Variants in SAMD4A observed in about 807,000 individuals in gnomAD.
SAMD4A encodes the protein protein Smaug homolog 1.
A neutral mutation model predicts 81.3 loss-of-function variants in SAMD4A; 33 were observed. That is an observed-to-expected ratio of 0.41 (90% CI 0.31 to 0.54). The LOEUF (loss-of-function observed/expected upper bound fraction) is 0.54, where lower values mean the gene tolerates loss of function less well. SAMD4A is among the 20% of genes least tolerant of loss of function. The probability of loss-of-function intolerance (pLI) is 0.37; values close to 1 mark genes in which losing one functional copy is unlikely to be tolerated. For missense variants in SAMD4A, 854 were observed against 951.1 expected, an observed-to-expected ratio of 0.90 and a Z score of 1.34; for synonymous variants, 389 against 382.1, an observed-to-expected ratio of 1.02 and a Z score of -0.21.
At chr14:54,609,720 C>T (rs946202140) in intron 2 of SAMD4A, among the ~76,000 whole-genome samples, 1 of 152,196 alleles carries the variant, frequency 6.6e-6, no homozygotes, top group Non-Finnish European at 1.5e-5. Flanking sequence ...TTTTCTCTGC[C>T]ACACAATTTC....
In SAMD4A at chr14:54,577,649, C is replaced by G. The variant is rs368887875; in HGVS notation, c.196+9537C>G. Among the ~76,000 whole-genome samples the G allele has an allele frequency of 9.2e-5, 14 of 152,340 alleles. No homozygotes were observed. In the East Asian group the frequency reaches 2.5e-3, roughly 27 times the overall value. On this transcript the variant is annotated intron_variant, in intron 2 of 12. Transcript: ENST00000554335. ...TGGTTGCGCCCAAAGCCACTAAACT[C>G]TGTAATACAGTCATTGTACTCAGAA...
At chr14:54,744,467 G>A (rs933769211) in intron 4 of SAMD4A, among the ~76,000 whole-genome samples, 8 of 152,142 alleles carry the variant, frequency 5.3e-5, no homozygotes, top group African/African-American at 1.9e-4. Flanking sequence ...ATTTAAAACT[G>A]AATCCCACTG....
intron 2 of SAMD4A, among the ~76,000 whole-genome samples, chr14:54,569,355 C>G (rs113934082): frequency 2.0e-4 from 30 of 152,288 alleles, no homozygotes; most frequent in African/African-American, 7.0e-4. Context: ...TGGGATGCTT[C>G]CATATATAGA....
At chr14:54,565,979 C>G (rs949135445), upstream of SAMD4A, among the ~76,000 whole-genome samples, 12 of 151,830 alleles carry the variant, frequency 7.9e-5, no homozygotes, top group African/African-American at 7.3e-5. This position sits in a 1 kb window ranked among gnomAD's most constrained non-coding sequence, Gnocchi z 5.4. Flanking sequence ...GTTCCTCCCC[C>G]CGGCTCCCCC....
At chr14:54,782,105 G>A (rs935850151) in intron 11 of SAMD4A, among the ~76,000 whole-genome samples, 11 of 152,272 alleles carry the variant, frequency 7.2e-5, no homozygotes, top group East Asian at 1.9e-4. Flanking sequence ...ATTCTGGAGC[G>A]GAGAGCCCTG....
At chr14:54,759,285 CCAGGCTCAGGCCTAGGT>C (rs1431152302) in intron 6 of SAMD4A, among the ~76,000 whole-genome samples, 1 of 152,220 alleles carries the variant, frequency 6.6e-6, no homozygotes, top group Admixed American at 6.5e-5. Flanking sequence ...CCCAAGGCCT[CCAGGCTCAGGCCTAGGT>C]GTCTGACGGG....
intron 2 of SAMD4A, among the ~76,000 whole-genome samples, chr14:54,627,120 C>T (rs1014057099): frequency 1.3e-5 from 2 of 152,192 alleles, no homozygotes; most frequent in African/African-American, 4.8e-5. Flanking sequence ...TAACTCATTA[C>T]CTTTTTACAT....
chr14:54,569,874 C>T (rs1348021656), intron 2 of SAMD4A, among the ~76,000 whole-genome samples: 1 of 152,038 alleles, frequency 6.6e-6, no homozygotes, highest in Non-Finnish European at 1.5e-5. Flanking sequence ...ATGACTTTTC[C>T]CAATAGAGCA....
At chr14:54,770,720 C>CTTGA (rs1247039189) in intron 9 of SAMD4A, among the ~76,000 whole-genome samples, 2 of 152,186 alleles carry the variant, frequency 1.3e-5, no homozygotes, top group Non-Finnish European at 2.9e-5. Context: ...CAGTACAATT[C>CTTGA]TTGATTTTTC....
chr14:54,593,090 A>C (rs1025128086), intron 2 of SAMD4A, among the ~76,000 whole-genome samples: 2 of 152,230 alleles, frequency 1.3e-5, no homozygotes, highest in African/African-American at 4.8e-5. Flanking sequence ...AGCTTCAGTA[A>C]TTATCAGCAT....
In SAMD4A at chr14:54,789,061, T is replaced by A; in HGVS notation, c.*117T>A. 8.7e-7 allele frequency: 1 copy of A among 1,150,588 alleles called. No homozygotes were observed. Among genetic ancestry groups the A allele is most frequent in the East Asian group, 2.4e-5 (1 of 41,972 alleles). The allele number at this position is 1,150,588 out of a possible 1,614,324, so 71.3% of individuals were successfully genotyped here. A position where few individuals can be genotyped will look rare whatever the true frequency, so the allele number is the denominator to read the frequency against. On this transcript the variant is annotated 3_prime_UTR_variant, in exon 13 of 13. Coordinates refer to ENST00000554335, the MANE Select transcript of SAMD4A (RefSeq NM_015589.6). ...GATACTTTGCAGCCTTTTTTCCCCC[T>A]GGTCCCTCTCCCGTTTTGATTTTGT...
chr14:54,754,341 T>G (rs1030191074), intron 6 of SAMD4A, among the ~76,000 whole-genome samples: 2 of 152,194 alleles, frequency 1.3e-5, no homozygotes, highest in African/African-American at 4.8e-5. Context: ...TGGCAGCCAG[T>G]GGTCAAGTGG....
intron 2 of SAMD4A, among the ~76,000 whole-genome samples, chr14:54,599,894 C>T (rs2034009675): frequency 6.6e-6 from 1 of 152,190 alleles, no homozygotes; most frequent in Admixed American, 6.5e-5. Context: ...CTTCTTAAAA[C>T]ACTGAGATCT....
At chr14:54,767,080 C>T (rs1483803581) in intron 8 of SAMD4A, among the ~76,000 whole-genome samples, 1 of 152,110 alleles carries the variant, frequency 6.6e-6, no homozygotes, top group African/African-American at 2.4e-5. Flanking sequence ...GATGGAGGGG[C>T]CTGCGTGCTG....
At chr14:54,570,150 G>T (rs887805052) in intron 2 of SAMD4A, among the ~76,000 whole-genome samples, 1 of 152,158 alleles carries the variant, frequency 6.6e-6, no homozygotes, top group East Asian at 1.9e-4. Flanking sequence ...TAGACGTTTT[G>T]CCTGCATGGA....
chr14:54,755,800 C>T (rs1307676534), intron 6 of SAMD4A, among the ~76,000 whole-genome samples: 1 of 152,182 alleles, frequency 6.6e-6, no homozygotes, highest in East Asian at 1.9e-4. Flanking sequence ...GAATTTTCAA[C>T]ATTTATCTTG....
chr14:54,694,623 A>C (rs1472854694), intron 2 of SAMD4A: 1 of 985,508 alleles, frequency 1.0e-6, no homozygotes, highest in African/African-American at 1.7e-5. Flanking sequence ...CTGCATACTC[A>C]TGGGCCAGAG....
chr14:54,756,530 A>T (rs547405462), intron 6 of SAMD4A, among the ~76,000 whole-genome samples: 175 of 152,290 alleles, frequency 1.1e-3, no homozygotes, highest in African/African-American at 4.1e-3. Flanking sequence ...AAAGATTATG[A>T]CTTAATTTGT....
chr14:54,735,613 C>T (rs897614395), intron 3 of SAMD4A, among the ~76,000 whole-genome samples: 2 of 152,228 alleles, frequency 1.3e-5, no homozygotes, highest in African/African-American at 4.8e-5. Context: ...GCCTGAGCTC[C>T]GTGGCTCTCA....
Sources: allele counts gnomAD v4.1 joint callset (sites outside exome capture counted in the v4.1 genomes callset), GRCh38; gene constraint gnomAD v4.1.1; non-coding constraint Gnocchi (gnomAD v3.1); transcripts MANE v1.5; gene names NCBI Gene and HGNC (gene_info 2026-07-23, HGNC 2026-07-21).